The following PARD3 variants were observed in gnomAD, a reference collection of about 807,000 sequenced individuals.
PARD3 encodes the protein par-3 family cell polarity regulator.
PARD3 carries 75 observed loss-of-function variants against 155.4 expected under a neutral mutation model. That is an observed-to-expected ratio of 0.48 (90% CI 0.40 to 0.58). The LOEUF (loss-of-function observed/expected upper bound fraction) is 0.58, where lower values mean the gene tolerates loss of function less well. Ranked by LOEUF, PARD3 falls within the 20% of genes least tolerant of loss-of-function variation. The pLI is 0.00. For synonymous variants in PARD3, 576 were observed against 610.5 expected (o/e 0.94, Z 0.83); for missense variants, 1,642 against 1,721.7 (o/e 0.95, Z 0.82).
chr10:34,145,229 T>C (rs1346149877), intron 22 of PARD3, among the ~76,000 whole-genome samples: 2 of 117,222 alleles, frequency 1.7e-5, no homozygotes, highest in East Asian at 4.1e-4. Flanking sequence ...ATATTTTTTT[T>C]TTTTTTTTTT....
At chr10:34,193,588 A>C (rs534893038) in intron 22 of PARD3, among the ~76,000 whole-genome samples, 1 of 152,324 alleles carries the variant, frequency 6.6e-6, no homozygotes, top group East Asian at 1.9e-4. Context: ...CTCATACAAT[A>C]AGGACATATT....
intron 15 of PARD3, chr10:34,343,245 G>A (rs958325285): frequency 9.5e-5 from 72 of 759,962 alleles, no homozygotes; most frequent in Middle Eastern, 6.8e-4. Flanking sequence ...ATACTCACAC[G>A]GGCATAATTT....
intron 2 of PARD3, among the ~76,000 whole-genome samples, chr10:34,650,348 T>C (rs1242529684): frequency 6.6e-6 from 1 of 152,212 alleles, no homozygotes; most frequent in Non-Finnish European, 1.5e-5. Flanking sequence ...TCAGTTCCAT[T>C]ATAATCTGAC....
intron 2 of PARD3, among the ~76,000 whole-genome samples, chr10:34,687,846 C>CTTTT (rs397846339): frequency 0.26 from 16,153 of 63,046 alleles, 4,775 homozygotes; most frequent in Non-Finnish European, 0.33. Flanking sequence ...CACCTGAAAT[C>CTTTT]TTTTTTTTTT....
At chr10:34,807,511 T>C (rs1191444747) in intron 1 of PARD3, among the ~76,000 whole-genome samples, 1 of 152,096 alleles carries the variant, frequency 6.6e-6, no homozygotes, top group South Asian at 2.1e-4. Context: ...CCATTCACAG[T>C]CTCCATGACT....
intron 5 of PARD3, among the ~76,000 whole-genome samples, chr10:34,403,806 G>A (rs1844153293): frequency 6.6e-6 from 1 of 152,202 alleles, no homozygotes; most frequent in Non-Finnish European, 1.5e-5. Flanking sequence ...CCAAAATCAT[G>A]CTTTTCCAAT....
intron 1 of PARD3, among the ~76,000 whole-genome samples, chr10:34,808,205 T>C (rs1275740757): frequency 1.3e-5 from 2 of 151,954 alleles, no homozygotes; most frequent in Non-Finnish European, 2.9e-5. Context: ...TCCCAGCTAC[T>C]TGGGGGACTG....
intron 18 of PARD3, among the ~76,000 whole-genome samples, chr10:34,332,774 T>C (rs1835755071): frequency 6.6e-6 from 1 of 152,180 alleles, no homozygotes; most frequent in Non-Finnish European, 1.5e-5. Context: ...TCTATATTTC[T>C]TTATTTTATG....
intron 3 of PARD3, among the ~76,000 whole-genome samples, chr10:34,511,653 T>C (rs574121489): frequency 2.8e-5 from 4 of 144,522 alleles, no homozygotes; most frequent in East Asian, 4.6e-4. Context: ...TTAATACATA[T>C]ATACAAAGTG....
At position 34,315,044 on chromosome 10, in the gene PARD3, G is replaced by A. The variant is rs539992686; in HGVS notation, c.3065+2063C>T. Among the ~76,000 whole-genome samples the A allele has an allele frequency of 1.4e-4, 21 of 152,054 alleles. 1 individual carries two copies. The highest frequency in any genetic ancestry group is 4.8e-4 in the African/African-American group (20 of 41,502). On this transcript the variant is annotated intron_variant, in intron 20 of 24. Transcript: ENST00000374788. ...GGAGAATATCAGCCTAATTTTTAGG[G>A]GGAAAAAAAAACCTTCAGCCCCTGC... is the stretch of plus-strand genomic sequence containing the variant.
chr10:34,145,622 A>G (rs1948470191), intron 22 of PARD3, among the ~76,000 whole-genome samples: 1 of 152,144 alleles, frequency 6.6e-6, no homozygotes, highest in South Asian at 2.1e-4. Context: ...TTTACTCAAT[A>G]ATCCTTTCAA....
rs186540606 is a variant in PARD3, at chr10:34,383,115, A to G, written c.1017-193T>C. Among the ~76,000 whole-genome samples, 898 of 152,330 alleles carry G rather than the reference A, an allele frequency of 5.9e-3. 4 individuals are homozygous for G. Among genetic ancestry groups the G allele is most frequent in the Non-Finnish European group, 8.0e-3 (542 of 68,020 alleles). On this transcript the variant is annotated intron_variant, in intron 8 of 24. Coordinates refer to ENST00000374788, the MANE Select transcript of PARD3 (RefSeq NM_001184785.2). ...ATCAATAGCTGTTTCTTCAAATATAAATTTCTCATTCTCTCAATAAAAATA... is the reference window on the plus strand; with the variant it reads ...ATCAATAGCTGTTTCTTCAAATATAGATTTCTCATTCTCTCAATAAAAATA...
At position 34,181,249 on chromosome 10, in the gene PARD3, A is replaced by G. The variant is rs1950253515; in HGVS notation, c.3420-49666T>C. ...CTTGAGGTACTTCAAACTAAAGTGC[A>G]AAGACCAATGACAACACCAGACCAA... On this transcript the variant is annotated intron_variant, in intron 22 of 24. Transcript: ENST00000374788. 2.6e-5 allele frequency among the ~76,000 whole-genome samples: 4 copies of G among 152,350 alleles called. 1 individual carries two copies. In the South Asian group the frequency reaches 8.3e-4, roughly 32 times the overall value.
At position 34,347,667 on chromosome 10, in the gene PARD3, G is replaced by GT. The variant is rs1837571208; in HGVS notation, c.2218+297dup. Among the ~76,000 whole-genome samples the GT allele has an allele frequency of 1.3e-5, 2 of 152,070 alleles. 1 individual carries two copies. The highest frequency in any genetic ancestry group is 4.8e-5 in the African/African-American group (2 of 41,402). On this transcript the variant is annotated intron_variant, in intron 15 of 24. Coordinates refer to ENST00000374788, the MANE Select transcript of PARD3 (RefSeq NM_001184785.2). ...AACATAGCTTCACATATTATCTCAAGTAAGTAAAGAATATCTTGATCACTA... is the reference window on the plus strand; with the variant it reads ...AACATAGCTTCACATATTATCTCAAGTTAAGTAAAGAATATCTTGATCACTA...
At chr10:34,506,442 A>C (rs549018776) in intron 3 of PARD3, among the ~76,000 whole-genome samples, 21 of 152,198 alleles carry the variant, frequency 1.4e-4, no homozygotes, top group Non-Finnish European at 2.1e-4. Flanking sequence ...ATCTTTTCTA[A>C]GTCTCTCCTA....
intron 3 of PARD3, among the ~76,000 whole-genome samples, chr10:34,471,833 A>C (rs2133090165): frequency 6.6e-6 from 1 of 152,346 alleles, no homozygotes; most frequent in South Asian, 2.1e-4. Flanking sequence ...TGCTGGGATT[A>C]CAGGCGTGAG....
intron 2 of PARD3, among the ~76,000 whole-genome samples, chr10:34,655,523 T>C (rs2093142581): frequency 6.6e-6 from 1 of 152,110 alleles, no homozygotes; most frequent in South Asian, 2.1e-4. Context: ...CAGCACACGA[T>C]TCATACTCCA....
At chr10:34,184,456 G>T (rs1391265283) in intron 22 of PARD3, among the ~76,000 whole-genome samples, 1 of 152,148 alleles carries the variant, frequency 6.6e-6, no homozygotes, top group South Asian at 2.1e-4. Context: ...CTCATAGGGG[G>T]TTTAGAGAAT....
intron 22 of PARD3, among the ~76,000 whole-genome samples, chr10:34,193,766 A>C (rs1383985545): frequency 6.6e-6 from 1 of 152,154 alleles, no homozygotes; most frequent in African/African-American, 2.4e-5. Flanking sequence ...TCTTTACAAG[A>C]GCTCTAAGTG....
Sources: allele counts gnomAD v4.1 joint callset (sites outside exome capture counted in the v4.1 genomes callset), GRCh38; gene constraint gnomAD v4.1.1; transcripts MANE v1.5; gene names NCBI Gene and HGNC (gene_info 2026-07-23, HGNC 2026-07-21).